KLRG1: variants seen among roughly 807,000 people sequenced by gnomAD.
KLRG1 encodes killer cell lectin like receptor G1, also known as killer cell lectin-like receptor subfamily G member 1.
Under a neutral mutation model 21.8 loss-of-function variants are expected in KLRG1, and 16 were observed. The observed-to-expected ratio is 0.73, with a 90% confidence interval of 0.50 to 1.11. The LOEUF (loss-of-function observed/expected upper bound fraction) is 1.11, where lower values mean the gene tolerates loss of function less well. Ranked by LOEUF, KLRG1 falls within the 50% of genes most tolerant of loss-of-function variation. The pLI is 0.00. For missense variants in KLRG1, 173 were observed against 218.3 expected (o/e 0.79, Z 1.31); for synonymous variants, 69 against 75.9 (o/e 0.91, Z 0.47).
the KLRG1 span, among the ~76,000 whole-genome samples, chr12:9,164,816 T>C: frequency 6.6e-6 from 1 of 152,208 alleles, no homozygotes; most frequent in Non-Finnish European, 1.5e-5. Flanking sequence ...AGAATGACTC[T>C]CGTGGAACTG....
At chr12:9,212,903 C>T in the KLRG1 span, among the ~76,000 whole-genome samples, 4 of 152,126 alleles carry the variant, frequency 2.6e-5, no homozygotes. Flanking sequence ...AATTATGGAA[C>T]ATTTCCATCA....
chr12:9,104,258 C>T, the KLRG1 span: 10 of 1,612,354 alleles, frequency 6.2e-6, no homozygotes, highest in Non-Finnish European at 8.5e-6. Flanking sequence ...AAGAGAGGTA[C>T]CCATAACATT....
the KLRG1 span, among the ~76,000 whole-genome samples, chr12:9,030,923 A>G: frequency 5.3e-5 from 8 of 152,232 alleles, no homozygotes; most frequent in South Asian, 1.7e-3. Flanking sequence ...AAGATAGGGT[A>G]ACCTGTTTTC....
intron 1 of KLRG1, among the ~76,000 whole-genome samples, chr12:8,978,085 T>C (rs1388649999): frequency 6.6e-6 from 1 of 152,220 alleles, no homozygotes; most frequent in African/African-American, 2.4e-5. Flanking sequence ...ATCTTTATTT[T>C]TTTTAACTTT....
chr12:9,109,216 A>C, the KLRG1 span: 2 of 814,598 alleles, frequency 2.5e-6, no homozygotes, highest in East Asian at 5.3e-5. Flanking sequence ...AAGCACTTAA[A>C]ATTTTTGTGT....
chr12:8,998,627 T>C (rs1947210157), intron 3 of KLRG1, among the ~76,000 whole-genome samples: 1 of 150,274 alleles, frequency 6.7e-6, no homozygotes, highest in South Asian at 2.1e-4. Context: ...AAGTAGAGGC[T>C]GCAGTTAGCC....
chr12:9,103,198 C>A, the KLRG1 span, among the ~76,000 whole-genome samples: 1 of 152,148 alleles, frequency 6.6e-6, no homozygotes, highest in African/African-American at 2.4e-5. Flanking sequence ...AAGTATCTAA[C>A]AGTTAAAGGG....
intron 1 of KLRG1, among the ~76,000 whole-genome samples, chr12:8,973,376 T>A (rs1418482847): frequency 1.3e-5 from 2 of 152,178 alleles, no homozygotes; most frequent in South Asian, 2.1e-4. Flanking sequence ...ATGAGGGCTT[T>A]GCCCTCATGA....
At chr12:9,068,925 G>T in the KLRG1 span, 5 of 993,486 alleles carry the variant, frequency 5.0e-6, no homozygotes, top group Admixed American at 2.7e-5. Context: ...CCTGTTTTTT[G>T]GGGGAAAAGC....
intron 1 of KLRG1, among the ~76,000 whole-genome samples, chr12:8,976,381 CAT>C (rs1230254294): frequency 1.3e-5 from 2 of 152,306 alleles, no homozygotes; most frequent in African/African-American, 4.8e-5. Context: ...TGTGACCTGA[CAT>C]GTGATCTATC....
chr12:8,979,759 C>G (rs750626884), intron 1 of KLRG1, among the ~76,000 whole-genome samples: 17 of 151,320 alleles, frequency 1.1e-4, no homozygotes, highest in Admixed American at 1.1e-3. Context: ...CTTTTTTTTT[C>G]TCCTCTGACT....
chr12:9,116,038 T>C, the KLRG1 span: 1 of 634,332 alleles, frequency 1.6e-6, no homozygotes, highest in South Asian at 1.6e-5. Flanking sequence ...AGGTCATTGA[T>C]GGCCTATTTA....
At chr12:9,134,034 T>C in the KLRG1 span, among the ~76,000 whole-genome samples, 2 of 152,160 alleles carry the variant, frequency 1.3e-5, no homozygotes. Context: ...CTAGGAAGTA[T>C]AGATTGTTGG....
the KLRG1 span, chr12:9,101,427 G>T: frequency 1.9e-6 from 3 of 1,594,572 alleles, no homozygotes; most frequent in African/African-American, 1.3e-5. Context: ...TGAAGTCAAC[G>T]CAGTAACCTC....
At chr12:9,104,397 G>A in the KLRG1 span, 36 of 1,582,090 alleles carry the variant, frequency 2.3e-5, 1 homozygote, top group South Asian at 2.8e-4. Flanking sequence ...TCTACTAGGC[G>A]CACCTGAAGA....
the KLRG1 span, among the ~76,000 whole-genome samples, chr12:9,035,107 C>A: frequency 6.6e-6 from 1 of 151,982 alleles, no homozygotes; most frequent in East Asian, 1.9e-4. Flanking sequence ...CTGTACAATA[C>A]ATTTGTGTGG....
At chr12:9,149,321 T>G in the KLRG1 span, among the ~76,000 whole-genome samples, 4 of 152,216 alleles carry the variant, frequency 2.6e-5, no homozygotes, top group African/African-American at 9.7e-5. Flanking sequence ...AAATGTCGCT[T>G]TTAGAGATAG....
intron 3 of KLRG1, among the ~76,000 whole-genome samples, chr12:9,002,665 C>T (rs980263623): frequency 6.6e-6 from 1 of 152,060 alleles, no homozygotes; most frequent in Non-Finnish European, 1.5e-5. Flanking sequence ...CTCCTAGGCT[C>T]AAATGACCCT....
chr12:9,025,093 A>G, the KLRG1 span, among the ~76,000 whole-genome samples: 1 of 152,208 alleles, frequency 6.6e-6, no homozygotes, highest in African/African-American at 2.4e-5. Context: ...GGCAATATGA[A>G]GGTCATGTTT....
Sources: allele counts gnomAD v4.1 joint callset (sites outside exome capture counted in the v4.1 genomes callset), GRCh38; gene constraint gnomAD v4.1.1; transcripts MANE v1.5; gene names NCBI Gene and HGNC (gene_info 2026-07-23, HGNC 2026-07-21).